Variants in NPAS3 observed in about 807,000 individuals in gnomAD.
The protein encoded by NPAS3 is neuronal PAS domain-containing protein 3.
Under a neutral mutation model 73.1 loss-of-function variants are expected in NPAS3, and 14 were observed. The observed-to-expected ratio is 0.19, with a 90% CI of 0.13 to 0.30. NPAS3 has a LOEUF of 0.30. NPAS3 is among the 10% of genes least tolerant of loss of function. The pLI, the probability that NPAS3 is intolerant of heterozygous loss-of-function variation, is 1.00. For missense variants in NPAS3, 1,096 were observed against 1,250.0 expected, an observed-to-expected ratio of 0.88 and a Z score of 1.86; for synonymous variants, 620 against 541.5, an observed-to-expected ratio of 1.14 and a Z score of -2.01.
At chr14:33,728,958 T>C (rs2061337685) in intron 6 of NPAS3, among the ~76,000 whole-genome samples, 1 of 152,164 alleles carries the variant, frequency 6.6e-6, no homozygotes, top group South Asian at 2.1e-4. Context: ...AGTGAAGAAT[T>C]CTTCTTAGAA....
At chr14:33,075,401 T>C (rs2041622857) in intron 2 of NPAS3, among the ~76,000 whole-genome samples, 2 of 152,238 alleles carry the variant, frequency 1.3e-5, no homozygotes, top group South Asian at 4.1e-4. Context: ...ATATTTTATT[T>C]TTCATTTCAC....
intron 2 of NPAS3, among the ~76,000 whole-genome samples, chr14:33,199,179 G>A (rs2046510812): frequency 6.6e-6 from 1 of 152,216 alleles, no homozygotes; most frequent in African/African-American, 2.4e-5. Flanking sequence ...AGCCCAGAGA[G>A]GGGTTCCCAC....
chr14:32,952,782 C>T (rs940751844), intron 1 of NPAS3, among the ~76,000 whole-genome samples: 1 of 151,990 alleles, frequency 6.6e-6, no homozygotes, highest in African/African-American at 2.4e-5. Flanking sequence ...GTAGTGTCAA[C>T]CAAAATTGGA....
intron 3 of NPAS3, among the ~76,000 whole-genome samples, chr14:33,220,399 G>A (rs528125316): frequency 2.0e-5 from 3 of 152,324 alleles, no homozygotes; most frequent in African/African-American, 7.2e-5. Flanking sequence ...GAAATGTGAT[G>A]TATTTGCCTT....
chr14:33,487,199 T>C (rs561055183), intron 4 of NPAS3, among the ~76,000 whole-genome samples: 1 of 152,252 alleles, frequency 6.6e-6, no homozygotes, highest in Non-Finnish European at 1.5e-5. Context: ...TATTTCTTCC[T>C]TAACATGCAT....
chr14:33,349,814 C>T (rs112860621), intron 3 of NPAS3, among the ~76,000 whole-genome samples: 15 of 152,276 alleles, frequency 9.9e-5, no homozygotes, highest in African/African-American at 2.4e-4. Flanking sequence ...TCAAAGGGAG[C>T]GAGGATGCTA....
At chr14:33,072,489 T>C (rs2041519606) in intron 2 of NPAS3, among the ~76,000 whole-genome samples, 1 of 152,178 alleles carries the variant, frequency 6.6e-6, no homozygotes, top group South Asian at 2.1e-4. Flanking sequence ...ACGATAGAAA[T>C]ACACTGAAAG....
chr14:33,800,273 A>C lies in NPAS3; in HGVS notation c.1966A>C (p.Ile656Leu). The C allele has an allele frequency of 6.2e-7, 1 of 1,613,392 alleles. No individual in the cohort carries two copies. Among genetic ancestry groups the C allele is most frequent in the Middle Eastern group, 1.7e-4 (1 of 6,058 alleles). Residue 656 changes from isoleucine (I) to leucine (L), a missense_variant, in exon 12 of 12, where the codon ATC becomes CTC. Coordinates refer to ENST00000356141, the Ensembl canonical transcript of NPAS3. This position sits in a 1 kb window ranked among gnomAD's most constrained non-coding sequence, Gnocchi z 6.5. ...GATCAAGACGGAGATCTCAGAACCC[A>C]TCAATTTCGACAATGACAGCAGCAT... is the stretch of plus-strand genomic sequence containing the variant.
chr14:33,707,561 T>C (rs944250866), intron 6 of NPAS3, among the ~76,000 whole-genome samples: 1 of 151,736 alleles, frequency 6.6e-6, no homozygotes, highest in African/African-American at 2.4e-5. Flanking sequence ...AAAAAGGAAG[T>C]GATAGGCGAG....
chr14:33,133,329 C>A (rs2043710100), intron 2 of NPAS3, among the ~76,000 whole-genome samples: 1 of 152,114 alleles, frequency 6.6e-6, no homozygotes, highest in Non-Finnish European at 1.5e-5. Flanking sequence ...GATTTAGGCA[C>A]TATATGAGAC....
chr14:33,015,093 T>C (rs1475490967), intron 1 of NPAS3, among the ~76,000 whole-genome samples: 1 of 152,232 alleles, frequency 6.6e-6, no homozygotes, highest in Admixed American at 6.5e-5. Context: ...TGAGAATTAA[T>C]GACTGGTCTG....
At chr14:33,329,924 A>G (rs1389070356) in intron 3 of NPAS3, among the ~76,000 whole-genome samples, 1 of 152,128 alleles carries the variant, frequency 6.6e-6, no homozygotes, top group Non-Finnish European at 1.5e-5. Flanking sequence ...GTCTTTTATC[A>G]TCCCTCGTAA....
intron 6 of NPAS3, among the ~76,000 whole-genome samples, chr14:33,683,941 C>A (rs563842152): frequency 6.6e-6 from 1 of 152,292 alleles, no homozygotes; most frequent in Non-Finnish European, 1.5e-5. Context: ...CACCACATCC[C>A]TCTGAGGCAG....
intron 3 of NPAS3, among the ~76,000 whole-genome samples, chr14:33,269,981 G>A (rs930837700): frequency 1.6e-4 from 24 of 152,140 alleles, no homozygotes; most frequent in African/African-American, 5.8e-4. Context: ...GGCGGGTGCA[G>A]TAGTGAGGGA....
intron 6 of NPAS3, among the ~76,000 whole-genome samples, chr14:33,722,271 G>C (rs1595501492): frequency 6.6e-6 from 1 of 152,088 alleles, no homozygotes; most frequent in East Asian, 1.9e-4. Flanking sequence ...CAACAAATTT[G>C]TTTTGCCCAT....
At chr14:33,519,458 C>A (rs1341263732) in intron 4 of NPAS3, among the ~76,000 whole-genome samples, 1 of 152,108 alleles carries the variant, frequency 6.6e-6, no homozygotes, top group Admixed American at 6.5e-5. Flanking sequence ...CCAGCTTCCC[C>A]TGATGTCATT....
At chr14:33,595,730 G>T (rs2057218968) in intron 5 of NPAS3, among the ~76,000 whole-genome samples, 1 of 152,138 alleles carries the variant, frequency 6.6e-6, no homozygotes, top group Non-Finnish European at 1.5e-5. Context: ...GAGTGCAGTG[G>T]CGCGTTCTCG....
chr14:33,561,553 T>G (rs193170834), intron 5 of NPAS3, among the ~76,000 whole-genome samples: 2 of 152,352 alleles, frequency 1.3e-5, no homozygotes, highest in African/African-American at 4.8e-5. Context: ...TGTATCTTAT[T>G]GAAAGATCTG....
chr14:33,360,771 T>C (rs1211177342), intron 3 of NPAS3, among the ~76,000 whole-genome samples: 3 of 152,204 alleles, frequency 2.0e-5, no homozygotes, highest in Admixed American at 6.5e-5. Flanking sequence ...AGGGATGTCC[T>C]CTTCTTTTAG....
Sources: gnomAD v4.1 joint callset for allele counts (sites outside exome capture counted in the v4.1 genomes callset) on GRCh38, gnomAD v4.1.1 for gene constraint, Gnocchi (gnomAD v3.1) non-coding constraint, MANE v1.5 for transcripts, NCBI Gene and HGNC (gene_info 2026-07-23, HGNC 2026-07-21) for gene names.